PDGFD: variants seen among roughly 807,000 people sequenced by gnomAD.
The protein encoded by PDGFD is platelet-derived growth factor D.
PDGFD carries 30 observed loss-of-function variants against 44.7 expected under a neutral mutation model. The observed-to-expected ratio is 0.67, with a 90% CI of 0.50 to 0.91. The LOEUF is 0.91. PDGFD is among the 40% of genes least tolerant of loss of function. The probability of loss-of-function intolerance (pLI) is 0.00; values close to 1 mark genes in which losing one functional copy is unlikely to be tolerated. For synonymous variants in PDGFD, 173 were observed against 168.4 expected, an observed-to-expected ratio of 1.03 and a Z score of -0.21; for missense variants, 445 against 457.8, an observed-to-expected ratio of 0.97 and a Z score of 0.25.
chr11:104,071,049 G>A (rs1453078849), intron 1 of PDGFD, among the ~76,000 whole-genome samples: 2 of 151,732 alleles, frequency 1.3e-5, no homozygotes, highest in African/African-American at 4.8e-5. Flanking sequence ...CCTCACTAGG[G>A]GAGTGTGATG....
chr11:104,090,093 A>G (rs1438001296), intron 1 of PDGFD, among the ~76,000 whole-genome samples: 1 of 152,188 alleles, frequency 6.6e-6, no homozygotes, highest in African/African-American at 2.4e-5. Flanking sequence ...TCTCTTCCTC[A>G]AAAGACAGCA....
rs937501432 is a variant in PDGFD, at chr11:104,082,137, C to CATATATATATATATATATAT, written c.124+81666_124+81667insATATATATATATATATATAT. Among the ~76,000 whole-genome samples, 322 of 123,250 alleles carry CATATATATATATATATATAT rather than the reference C, an allele frequency of 2.6e-3. 19 individuals carry two copies. The highest frequency in any genetic ancestry group is 0.011 in the African/African-American group (314 of 29,278). 80.9% of individuals were successfully genotyped at this position (123,250 alleles called of 152,430 possible). On this transcript the variant is annotated intron_variant, in intron 1 of 6. Transcript: ENST00000393158. The stretch of plus-strand genomic sequence containing the variant: ...TTGTTGATGTCCATATACATACATA[C>CATATATATATATATATATAT]ATATATATATATGAAAAACAAAGTC...
At position 103,908,056 on chromosome 11, in the gene PDGFD, C is replaced by A. The variant is rs1857964905; in HGVS notation, c.*1638G>T. 6.6e-6 allele frequency: 1 copy of A among 152,162 alleles called. No individual in the cohort carries two copies. Among genetic ancestry groups the A allele is most frequent in the African/African-American group, 2.4e-5 (1 of 41,428 alleles). The allele number at this position is 152,162 out of a possible 1,614,324, so 9.4% of individuals were successfully genotyped here. A position where few individuals can be genotyped will look rare whatever the true frequency, so the allele number is the denominator to read the frequency against. ...CTTAGAAATCTAAGTATATTTAGGT[C>A]ACTCATCTAACACTGGGACTTTACC... is the stretch of plus-strand genomic sequence containing the variant. On this transcript the variant is annotated 3_prime_UTR_variant, in exon 7 of 7. Transcript: ENST00000393158.
intron 6 of PDGFD, among the ~76,000 whole-genome samples, chr11:103,917,726 G>T (rs1192537571): frequency 6.6e-6 from 1 of 152,080 alleles, no homozygotes; most frequent in Non-Finnish European, 1.5e-5. Flanking sequence ...CTTGGACCTG[G>T]GACCAGGACC....
chr11:103,938,396 G>T (rs1858528077), intron 5 of PDGFD, among the ~76,000 whole-genome samples: 1 of 152,024 alleles, frequency 6.6e-6, no homozygotes, highest in African/African-American at 2.4e-5. Context: ...CTTTTTGATG[G>T]GGTTCTTTGT....
intron 1 of PDGFD, among the ~76,000 whole-genome samples, chr11:104,011,725 T>A (rs967049811): frequency 6.6e-6 from 1 of 152,138 alleles, no homozygotes; most frequent in Non-Finnish European, 1.5e-5. Flanking sequence ...GTAAAACATT[T>A]ATAAAGGTTG....
chr11:104,060,920 T>C (rs1860704166), intron 1 of PDGFD, among the ~76,000 whole-genome samples: 1 of 152,230 alleles, frequency 6.6e-6, no homozygotes, highest in African/African-American at 2.4e-5. Flanking sequence ...ACATTTACAA[T>C]GTTGTGCAAC....
In PDGFD at chr11:104,158,816, AC is replaced by A. The variant is rs1462456842; in HGVS notation, c.124+4987del. Reference sequence around the variant, plus strand: ...CACAGCACTTCAGCCTTCATTGAATACATGAATAATAGTTATAGCAGGGGTT... The same window carrying A: ...CACAGCACTTCAGCCTTCATTGAATAATGAATAATAGTTATAGCAGGGGTT... On this transcript the variant is annotated intron_variant, in intron 1 of 6. Transcript: ENST00000393158. 1.1e-4 allele frequency among the ~76,000 whole-genome samples: 16 copies of A among 152,008 alleles called. No homozygotes were observed. The East Asian group carries it at 3.1e-3, about 30-fold the overall frequency.
chr11:104,106,337 A>T (rs1334525423), intron 1 of PDGFD, among the ~76,000 whole-genome samples: 1 of 152,208 alleles, frequency 6.6e-6, no homozygotes, highest in Non-Finnish European at 1.5e-5. Flanking sequence ...AACCACAAAG[A>T]AGTATAGCCA....
Position 104,111,836 on chromosome 11 carries a change from C to T in PDGFD, c.124+51968G>A, listed in dbSNP as rs183907469. On this transcript the variant is annotated intron_variant, in intron 1 of 6. Transcript: ENST00000393158. ...TAAAATTAAGCACGGTTATAAGTCA[C>T]GGTAAAACAGGTCAGATATTTAAAC... 6.6e-5 allele frequency among the ~76,000 whole-genome samples: 10 copies of T among 152,156 alleles called. No individual in the cohort carries two copies. The East Asian group carries it at 7.7e-4, about 12-fold the overall frequency.
intron 1 of PDGFD, among the ~76,000 whole-genome samples, chr11:104,012,595 T>C (rs183497461): frequency 1.3e-5 from 2 of 152,242 alleles, no homozygotes; most frequent in Admixed American, 6.5e-5. Context: ...CAAATATCTT[T>C]GTGTAGACTA....
intron 3 of PDGFD, among the ~76,000 whole-genome samples, chr11:103,949,367 T>C (rs1454351330): frequency 6.6e-6 from 1 of 152,196 alleles, no homozygotes; most frequent in Non-Finnish European, 1.5e-5. Context: ...ATCTGCACTC[T>C]GCAAAACAGA....
intron 1 of PDGFD, among the ~76,000 whole-genome samples, chr11:104,080,268 A>G (rs571126853): frequency 4.3e-4 from 65 of 152,364 alleles, no homozygotes; most frequent in African/African-American, 1.4e-3. Context: ...TAATCCCAAC[A>G]GGTGAATAAT....
chr11:103,976,118 C>CT (rs1486526669), intron 3 of PDGFD, among the ~76,000 whole-genome samples: 1 of 152,118 alleles, frequency 6.6e-6, no homozygotes, highest in Non-Finnish European at 1.5e-5. Context: ...TTGACTCTTC[C>CT]TATCCATGAA....
chr11:104,116,532 T>A (rs903210447), intron 1 of PDGFD, among the ~76,000 whole-genome samples: 4 of 152,220 alleles, frequency 2.6e-5, no homozygotes, highest in African/African-American at 9.6e-5. Flanking sequence ...TAAGTCATTC[T>A]ATGAAGCCAG....
chr11:104,131,987 CAAAA>C (rs1861929707), intron 1 of PDGFD, among the ~76,000 whole-genome samples: 1 of 151,674 alleles, frequency 6.6e-6, no homozygotes, highest in African/African-American at 2.4e-5. Flanking sequence ...CAAAACAAAA[CAAAA>C]CAAAACAAAA....
chr11:104,121,494 T>C (rs972874430), intron 1 of PDGFD, among the ~76,000 whole-genome samples: 1 of 152,080 alleles, frequency 6.6e-6, no homozygotes, highest in Admixed American at 6.6e-5. Context: ...CAGCTTTTTC[T>C]TTCTAAATTT....
chr11:103,923,436 T>C (rs1858256401), intron 6 of PDGFD, among the ~76,000 whole-genome samples: 1 of 152,212 alleles, frequency 6.6e-6, no homozygotes, highest in South Asian at 2.1e-4. Context: ...GGTTGAGCAC[T>C]GAAATATTTG....
chr11:104,104,122 G>T (rs145154495), intron 1 of PDGFD, among the ~76,000 whole-genome samples: 2 of 151,952 alleles, frequency 1.3e-5, no homozygotes, highest in East Asian at 1.9e-4. Flanking sequence ...AAAAATGAAA[G>T]AAAAATTTAA....
Sources: allele counts gnomAD v4.1 joint callset (sites outside exome capture counted in the v4.1 genomes callset), GRCh38; gene constraint gnomAD v4.1.1; transcripts MANE v1.5; gene names NCBI Gene and HGNC (gene_info 2026-07-23, HGNC 2026-07-21).